Variants in ASB13 observed in about 807,000 individuals in gnomAD.
ASB13 encodes the protein ankyrin repeat and SOCS box protein 13.
Under a neutral mutation model 28.8 loss-of-function variants are expected in ASB13, and 33 were observed. The ratio of observed to expected loss-of-function variants is 1.15; its 90% confidence interval spans 0.87 to 1.53. ASB13 has a LOEUF of 1.53. Ranked by LOEUF, ASB13 falls within the 40% of genes most tolerant of loss-of-function variation. The pLI is 0.00. For missense variants in ASB13, 414 were observed against 390.1 expected (o/e 1.06, Z -0.52); for synonymous variants, 182 against 172.9 (o/e 1.05, Z -0.41).
chr10:5,648,401 C>G (rs1351746884), intron 4 of ASB13, among the ~76,000 whole-genome samples: 1 of 128,072 alleles, frequency 7.8e-6, no homozygotes, highest in African/African-American at 2.7e-5. Context: ...CAGGCAAACA[C>G]CCCCTTGGGT....
At position 5,645,167 on chromosome 10, in the gene ASB13, C is replaced by T. The variant is rs117630765; in HGVS notation, c.518-3206G>A. ...GACGGGACCGCCTAAGACCTTAGCA[C>T]GCCAAGACTGGCACAATCCTGGAAC... On this transcript the variant is annotated intron_variant, in intron 4 of 5. Transcript: ENST00000357700. The surrounding 1 kb of genome is among the most constrained non-coding windows in gnomAD (Gnocchi z 5.4). Among the ~76,000 whole-genome samples the T allele has an allele frequency of 2.3e-4, 35 of 151,696 alleles. No individual in the cohort carries two copies. In the East Asian group the frequency reaches 6.4e-3, roughly 28 times the overall value.
In ASB13 at chr10:5,660,356, C is replaced by A. The variant is rs1835140834; in HGVS notation, c.43+6153G>T. On this transcript the variant is annotated intron_variant, in intron 1 of 5. Transcript: ENST00000357700. This position sits in a 1 kb window ranked among gnomAD's most constrained non-coding sequence, Gnocchi z 6.1. ...CCCCAGCTCCTCTTCCCCTCTCTTG[C>A]CCCTTTGCTGGGGCCCCGACACCCT... 1.3e-5 allele frequency among the ~76,000 whole-genome samples: 2 copies of A among 152,178 alleles called. No homozygotes were observed. The highest frequency in any genetic ancestry group is 4.8e-5 in the African/African-American group (2 of 41,448).
At position 5,652,953 on chromosome 10, in the gene ASB13, C is replaced by G; in HGVS notation, c.141G>C (p.Gln47His). 1 of 1,576,294 alleles carries G rather than the reference C, an allele frequency of 6.3e-7. No homozygotes were observed. Among genetic ancestry groups the G allele is most frequent in the Non-Finnish European group, 8.6e-7 (1 of 1,161,064 alleles). Residue 47 changes from glutamine to histidine, a missense_variant, in exon 2 of 6, where the codon CAG becomes CAC. Transcript: ENST00000357700. This position sits in a 1 kb window ranked among gnomAD's most constrained non-coding sequence, Gnocchi z 5.0. ...QLIESGACVNQVTVDSITPLH... is the reference protein window; with the variant it reads ...QLIESGACVNHVTVDSITPLH... ...GGGGCGTGATGGAGTCCACGGTGACCTGGTTCACGCAGGCGCCGCTCTCGA... is the reference window on the plus strand; with the variant it reads ...GGGGCGTGATGGAGTCCACGGTGACGTGGTTCACGCAGGCGCCGCTCTCGA...
chr10:5,666,515 C>T lies in ASB13; in HGVS notation c.37G>A (p.Asp13Asn). The T allele has an allele frequency of 7.8e-7, 1 of 1,284,960 alleles. No individual in the cohort carries two copies. The highest frequency in any genetic ancestry group is 9.9e-7 in the Non-Finnish European group (1 of 1,011,346). The allele number at this position is 1,284,960 out of a possible 1,614,324, so 79.6% of individuals were successfully genotyped here. Residue 13 changes from aspartate to asparagine, a missense_variant, in exon 1 of 6, where the codon GAC (aspartate) becomes AAC (asparagine). Transcript: ENST00000357700. ...CCGCGGCGCCCGCACGTACCCACGT[C>T]GCCCAGGAAGCAGCCGTCCGCCGCC... ...PRAADGCFLG[D>N]VGFWVERTPV... is the part of the protein sequence containing the mutation.
At chr10:5,654,152 T>TC (rs1289323735) in intron 1 of ASB13, among the ~76,000 whole-genome samples, 1 of 150,078 alleles carries the variant, frequency 6.7e-6, no homozygotes, top group Non-Finnish European at 1.5e-5. Flanking sequence ...TTTCTTTTTT[T>TC]TTTTTTTTGT....
chr10:5,654,847 A>G lies in ASB13; in HGVS notation c.44-1797T>C, dbSNP rs545300021. On this transcript the variant is annotated intron_variant, in intron 1 of 5. Coordinates refer to ENST00000357700, the MANE Select transcript of ASB13 (RefSeq NM_024701.4). The stretch of plus-strand genomic sequence containing the variant: ...TGCGGTGGCTCATGCCTGTAATCTC[A>G]CCACTTTGAGAGGCTGAGGCGGGCG... Among the ~76,000 whole-genome samples the G allele has an allele frequency of 1.1e-4, 16 of 152,258 alleles. No individual in the cohort carries two copies. In the South Asian group the frequency reaches 3.1e-3, roughly 30 times the overall value.
At position 5,651,348 on chromosome 10, in the gene ASB13, T is replaced by G; in HGVS notation, c.247A>C (p.Ile83Leu). Residue 83 changes from isoleucine to leucine, a missense_variant, in exon 3 of 6, where the codon ATC (isoleucine) becomes CTC (leucine). By Grantham distance (5) the Ile-to-Leu change is conservative (BLOSUM62 2). Transcript: ENST00000357700. This position sits in a 1 kb window ranked among gnomAD's most constrained non-coding sequence, Gnocchi z 5.1. ...TCGCAGAGCGGGGTGCTGCCGTCGA[T>G]GTTGCGAGCATCCACCTCACGGGAG... The part of the protein sequence containing the change: ...AAGAQVDARN[I>L]DGSTPLCDAC... The G allele has an allele frequency of 1.9e-6, 3 of 1,609,282 alleles. No homozygotes were observed. Among genetic ancestry groups the G allele is most frequent in the Non-Finnish European group, 2.5e-6 (3 of 1,177,106 alleles).
intron 4 of ASB13, among the ~76,000 whole-genome samples, chr10:5,646,606 C>T (rs1834889417): frequency 6.6e-6 from 1 of 152,202 alleles, no homozygotes; most frequent in Non-Finnish European, 1.5e-5. Context: ...TCCAGCCGCC[C>T]CTAATCCTGC....
In ASB13 at chr10:5,664,059, G is replaced by A. The variant is rs4750228; in HGVS notation, c.43+2450C>T. Among the ~76,000 whole-genome samples the A allele has an allele frequency of 0.52, 79,023 of 151,906 alleles. 21,054 individuals are homozygous for A. Among genetic ancestry groups the A allele is most frequent in the Middle Eastern group, 0.61 (180 of 294 alleles). ...CTGGGGAGTGATTTCCAGACCATCG[G>A]GGGAGCTGGAGAGCAGGCTGGTGCA... is the stretch of plus-strand genomic sequence containing the variant. On this transcript the variant is annotated intron_variant, in intron 1 of 5. Coordinates refer to ENST00000357700, the MANE Select transcript of ASB13 (RefSeq NM_024701.4). The surrounding 1 kb of genome is among the most constrained non-coding windows in gnomAD (Gnocchi z 4.2).
At chr10:5,648,896 A>G in intron 4 of ASB13, 74 bp downstream of exon 4, 1 of 1,588,084 alleles carries the variant, frequency 6.3e-7, no homozygotes, top group African/African-American at 1.3e-5. Context: ...TTGGGCAAAC[A>G]CCCACGCAGG....
Position 5,660,568 on chromosome 10 carries a change from G to A in ASB13, c.43+5941C>T, listed in dbSNP as rs1041003291. 6.6e-6 allele frequency among the ~76,000 whole-genome samples: 1 copy of A among 152,074 alleles called. No individual in the cohort carries two copies. Among genetic ancestry groups the A allele is most frequent in the African/African-American group, 2.4e-5 (1 of 41,398 alleles). Reference sequence around the variant, plus strand: ...TCACAGCTTACCCTCTCCAAACCTCGGCCTCCTCTCTCCTCAAATGGGTGC... The same window carrying A: ...TCACAGCTTACCCTCTCCAAACCTCAGCCTCCTCTCTCCTCAAATGGGTGC... On this transcript the variant is annotated intron_variant, in intron 1 of 5. Coordinates refer to ENST00000357700, the MANE Select transcript of ASB13 (RefSeq NM_024701.4). This position sits in a 1 kb window ranked among gnomAD's most constrained non-coding sequence, Gnocchi z 6.1.
chr10:5,659,182 C>G lies in ASB13; in HGVS notation c.44-6132G>C, dbSNP rs111689026. Among the ~76,000 whole-genome samples, 523 of 152,318 alleles carry G rather than the reference C, an allele frequency of 3.4e-3. 6 individuals are homozygous for G. The highest frequency in any genetic ancestry group is 0.012 in the African/African-American group (485 of 41,568). On this transcript the variant is annotated intron_variant, in intron 1 of 5. Transcript: ENST00000357700. This position sits in a 1 kb window ranked among gnomAD's most constrained non-coding sequence, Gnocchi z 5.8. ...TCCCTGTGGTGGCAAGACGCCCCCCCTCCCCAATCCCTGCACCCTCTCCCT... is the reference window on the plus strand; with the variant it reads ...TCCCTGTGGTGGCAAGACGCCCCCCGTCCCCAATCCCTGCACCCTCTCCCT...
intron 4 of ASB13, among the ~76,000 whole-genome samples, chr10:5,648,137 A>G (rs575152683): frequency 2.3e-4 from 34 of 150,320 alleles, no homozygotes; most frequent in African/African-American, 4.9e-4. Context: ...ACACCCACTC[A>G]GGTAAACAAC....
chr10:5,656,021 T>G lies in ASB13; in HGVS notation c.44-2971A>C, dbSNP rs11257244. Among the ~76,000 whole-genome samples the G allele has an allele frequency of 0.011, 1,637 of 152,290 alleles. 11 individuals carry two copies. Among genetic ancestry groups the G allele is most frequent in the East Asian group, 0.023 (117 of 5,178 alleles). On this transcript the variant is annotated intron_variant, in intron 1 of 5. Transcript: ENST00000357700. This position sits in a 1 kb window ranked among gnomAD's most constrained non-coding sequence, Gnocchi z 4.3. ...CGCAGATAATTCACAACATGACAAC[T>G]GCGATCATGTCTGGTGACAGGGACT...
At chr10:5,648,374 GCAGGCAAACACCCACT>G (rs1183603168) in intron 4 of ASB13, among the ~76,000 whole-genome samples, 3 of 89,702 alleles carry the variant, frequency 3.3e-5, no homozygotes, top group East Asian at 2.7e-4. Flanking sequence ...AAACACCCAT[GCAGGCAAACACCCACT>G]CAGGCAAACA....
chr10:5,640,660 T>C lies in ASB13; in HGVS notation c.*43A>G. On this transcript the variant is annotated 3_prime_UTR_variant, in exon 6 of 6. Coordinates refer to ENST00000357700, the MANE Select transcript of ASB13 (RefSeq NM_024701.4). ...GGCAGAGCCCTCACCCGGGCAATGC[T>C]GGGCACAACGGGGGCAGCCACGGTC... The C allele has an allele frequency of 1.2e-6, 2 of 1,612,684 alleles. No individual in the cohort carries two copies. Among genetic ancestry groups the C allele is most frequent in the Non-Finnish European group, 1.7e-6 (2 of 1,178,976 alleles).
rs367829431 is a variant in ASB13, at chr10:5,665,887, T to A, written c.43+622A>T. ...CTTCATAGGCAGCAAAAAAATTTGC[T>A]TCCCCAAAGAGTGTCCTTCCCTCAA... On this transcript the variant is annotated intron_variant, in intron 1 of 5. Transcript: ENST00000357700. 2.4e-4 allele frequency among the ~76,000 whole-genome samples: 36 copies of A among 152,326 alleles called. 1 individual carries two copies. In the South Asian group the frequency reaches 7.3e-3, roughly 31 times the overall value.
At position 5,650,709 on chromosome 10, in the gene ASB13, G is replaced by A. The variant is rs543374455; in HGVS notation, c.382+504C>T. 6.6e-6 allele frequency among the ~76,000 whole-genome samples: 1 copy of A among 152,294 alleles called. No individual in the cohort carries two copies. Among genetic ancestry groups the A allele is most frequent in the South Asian group, 2.1e-4 (1 of 4,820 alleles). ...GACAAGGAATGTTCCCCATGCTCGG[G>A]GTGCCCTTTTATCTTCCCAGCATCT... On this transcript the variant is annotated intron_variant, in intron 3 of 5. Transcript: ENST00000357700. This position sits in a 1 kb window ranked among gnomAD's most constrained non-coding sequence, Gnocchi z 6.0.
chr10:5,648,719 C>T (rs533738277), intron 4 of ASB13, among the ~76,000 whole-genome samples: 1 of 151,448 alleles, frequency 6.6e-6, no homozygotes, highest in South Asian at 2.1e-4. Context: ...CGGGGGTAAA[C>T]ACCCACGCAG....
Sources: gnomAD v4.1 joint callset for allele counts (sites outside exome capture counted in the v4.1 genomes callset) on GRCh38, gnomAD v4.1.1 for gene constraint, Gnocchi (gnomAD v3.1) non-coding constraint, MANE v1.5 for transcripts, NCBI Gene and HGNC (gene_info 2026-07-23, HGNC 2026-07-21) for gene names.